Variants in FHAD1 observed in about 807,000 individuals in gnomAD.
FHAD1 encodes forkhead-associated domain-containing protein 1.
A neutral mutation model predicts 191.3 loss-of-function variants in FHAD1; 146 were observed. The ratio of observed to expected loss-of-function variants is 0.76; its 90% CI spans 0.67 to 0.88. The LOEUF is 0.88. FHAD1 is among the 40% of genes least tolerant of loss of function. The pLI is 0.00. For missense variants in FHAD1, 1,635 were observed against 1,785.8 expected, an observed-to-expected ratio of 0.92 and a Z score of 1.52; for synonymous variants, 616 against 672.3, an observed-to-expected ratio of 0.92 and a Z score of 1.29.
intron 28 of FHAD1, 44 bp downstream of exon 28, chr1:15,375,774 G>A (rs1377598298): frequency 1.3e-6 from 2 of 1,499,802 alleles, no homozygotes; most frequent in Non-Finnish European, 1.8e-6. Flanking sequence ...CATGTGGAGA[G>A]GAGGGGCCTG....
intron 6 of FHAD1, 138 bp from the exon 7 acceptor site, chr1:15,308,475 T>C: frequency 8.3e-7 from 1 of 1,208,978 alleles, no homozygotes; most frequent in South Asian, 1.6e-5. Context: ...CTTCCACTGG[T>C]TAAAACTAAA....
chr1:15,265,335 A>G (rs1315234769), intron 2 of FHAD1, among the ~76,000 whole-genome samples: 13 of 152,236 alleles, frequency 8.5e-5, no homozygotes, highest in Admixed American at 7.2e-4. Context: ...TTAGCTGATA[A>G]TAATAATAAA....
intron 4 of FHAD1, among the ~76,000 whole-genome samples, chr1:15,291,951 A>G (rs1221017579): frequency 6.6e-6 from 1 of 152,328 alleles, no homozygotes; most frequent in Non-Finnish European, 1.5e-5. Context: ...GAAAAGCAGC[A>G]GCCACATGTC....
At chr1:15,304,167 A>G (rs1034627982) in intron 6 of FHAD1, among the ~76,000 whole-genome samples, 4 of 152,248 alleles carry the variant, frequency 2.6e-5, no homozygotes, top group South Asian at 2.1e-4. Context: ...TCGATCTGAT[A>G]CAATACCCCA....
At position 15,375,628 on chromosome 1, in the gene FHAD1, A is replaced by G. The variant is rs1001421116; in HGVS notation, c.3603A>G (p.Ser1201=). 6.5e-7 allele frequency: 1 copy of G among 1,540,230 alleles called. No homozygotes were observed. Among genetic ancestry groups the G allele is most frequent in the Non-Finnish European group, 8.7e-7 (1 of 1,143,684 alleles). Reference sequence around the variant, plus strand: ...ATCATAAAGACCACCAGAATGAATCATTTCTAGATTTAAAGAACCTCAGAA... The same window carrying G: ...ATCATAAAGACCACCAGAATGAATCGTTTCTAGATTTAAAGAACCTCAGAA... ...SPDHKDHQNE[S]FLDLKNLRME... is the part of the protein sequence containing the mutation. Residue 1201 remains serine, a synonymous_variant, in exon 28 of 34, where the codon TCA becomes TCG. Transcript: ENST00000688493.
Position 15,397,296 on chromosome 1 carries a change from G to T in FHAD1, c.4324-1G>T. On this transcript the variant is annotated splice_acceptor_variant, in intron 33 of 33. Transcript: ENST00000688493. LOFTEE classifies it high-confidence loss of function. ...TGTGTTTTTTCTCTTGCTTGTTAAAGGTTGGAACCAGAAAAGCCTCCCTAA... is the reference window on the plus strand; with the variant it reads ...TGTGTTTTTTCTCTTGCTTGTTAAATGTTGGAACCAGAAAAGCCTCCCTAA... The T allele has an allele frequency of 6.7e-7, 1 of 1,486,096 alleles. No individual in the cohort carries two copies. 92.1% of individuals were successfully genotyped at this position (1,486,096 alleles called of 1,614,324 possible).
At position 15,380,731 on chromosome 1, in the gene FHAD1, G is replaced by A. The variant is rs974483148; in HGVS notation, c.3736G>A (p.Gly1246Ser). Residue 1246 changes from glycine to serine, a missense_variant, in exon 29 of 34, where the codon GGC becomes AGC. Physicochemically the swap from Gly to Ser is moderately conservative, Grantham distance 56. Transcript: ENST00000688493. ...PQNGLCNARF[G>S]SAMEKSGKMD... ...GAATGGCCTTTGCAACGCAAGGTTC[G>A]GCTCAGCCATGGAGAAGTCAGGGAA... is the stretch of plus-strand genomic sequence containing the variant. The A allele has an allele frequency of 3.7e-5, 58 of 1,551,494 alleles. No individual in the cohort carries two copies. The highest frequency in any genetic ancestry group is 6.8e-5 in the African/African-American group (5 of 73,008).
intron 24 of FHAD1, among the ~76,000 whole-genome samples, chr1:15,366,380 A>G (rs1696467409): frequency 1.3e-5 from 2 of 151,962 alleles, no homozygotes; most frequent in Non-Finnish European, 2.9e-5. Flanking sequence ...CAGGGTCAGC[A>G]AAAGCCGTAT....
At chr1:15,365,762 C>T in intron 23 of FHAD1, 65 bp from the exon 24 acceptor site, 1 of 1,038,462 alleles carries the variant, frequency 9.6e-7, no homozygotes, top group Non-Finnish European at 1.5e-6. Flanking sequence ...TTGGCCCCTC[C>T]TGACACTCAG....
rs1416442968 is a variant in FHAD1, at chr1:15,312,473, C to T, written c.1040-584C>T. On this transcript the variant is annotated intron_variant, in intron 7 of 33. Coordinates refer to ENST00000688493, the MANE Select transcript of FHAD1 (RefSeq NM_001391957.1). The surrounding 1 kb of genome is among the most constrained non-coding windows in gnomAD (Gnocchi z 4.7). ...CCTGGGAGTTTGAGACCCGCCTGGGCAACATGGGCAAAACTCCATGTCTAC... is the reference window on the plus strand; with the variant it reads ...CCTGGGAGTTTGAGACCCGCCTGGGTAACATGGGCAAAACTCCATGTCTAC... Among the ~76,000 whole-genome samples, 1 of 152,102 alleles carries T rather than the reference C, an allele frequency of 6.6e-6. No individual in the cohort carries two copies. Among genetic ancestry groups the T allele is most frequent in the Non-Finnish European group, 1.5e-5 (1 of 68,030 alleles).
At chr1:15,314,606 GGTATGTGGGTGTGGGT>G in intron 8 of FHAD1, 1 of 150,452 alleles carries the variant, frequency 6.6e-6, no homozygotes, top group Non-Finnish European at 1.5e-5. Context: ...CAGGTGTGTG[GGTATGTGGGTGTGGGT>G]GTGAGGATGT....
chr1:15,373,311 C>A (rs1056075112), intron 26 of FHAD1, among the ~76,000 whole-genome samples: 1 of 145,294 alleles, frequency 6.9e-6, no homozygotes, highest in Non-Finnish European at 1.5e-5. Context: ...GAGTTCGAGA[C>A]CAGCCTGGCC....
intron 16 of FHAD1, among the ~76,000 whole-genome samples, chr1:15,342,727 A>G (rs1687245826): frequency 6.6e-6 from 1 of 151,740 alleles, no homozygotes; most frequent in South Asian, 2.1e-4. Context: ...TAGTGTGACC[A>G]TAGCTCACCA....
intron 28 of FHAD1, among the ~76,000 whole-genome samples, chr1:15,376,736 A>G (rs1266708264): frequency 6.6e-6 from 1 of 152,244 alleles, no homozygotes; most frequent in African/African-American, 2.4e-5. Context: ...AGATGTTATT[A>G]TTAAAATTAT....
intron 20 of FHAD1, among the ~76,000 whole-genome samples, chr1:15,354,683 A>G (rs1376333273): frequency 6.6e-6 from 1 of 152,236 alleles, no homozygotes; most frequent in Non-Finnish European, 1.5e-5. Context: ...AATGAAAAAA[A>G]AAAGTATATC....
At chr1:15,352,596 A>C (rs1223308964) in intron 19 of FHAD1, among the ~76,000 whole-genome samples, 1 of 152,144 alleles carries the variant, frequency 6.6e-6, no homozygotes, top group African/African-American at 2.4e-5. Context: ...ACCAGGACCC[A>C]ACCATTCACC....
At chr1:15,265,970 CA>C (rs531702447) in intron 2 of FHAD1, among the ~76,000 whole-genome samples, 1,649 of 78,618 alleles carry the variant, frequency 0.021, 39 homozygotes, top group East Asian at 0.14. Context: ...GACTCCATCT[CA>C]AAAAAAAAAA....
In FHAD1 at chr1:15,294,057, C is replaced by T. The variant is rs1278687709; in HGVS notation, c.569-2627C>T. ...AAACTTCCACCGTGTTTCCCTGATG[C>T]GGAGAGGGGCTTCCATCTTCCTGTA... On this transcript the variant is annotated intron_variant, in intron 4 of 33. Coordinates refer to ENST00000688493, the MANE Select transcript of FHAD1 (RefSeq NM_001391957.1). 3.9e-5 allele frequency among the ~76,000 whole-genome samples: 6 copies of T among 152,248 alleles called. No individual in the cohort carries two copies. The East Asian group carries it at 5.8e-4, about 15-fold the overall frequency.
chr1:15,269,830 T>G (rs565102791), intron 2 of FHAD1, among the ~76,000 whole-genome samples: 7 of 152,212 alleles, frequency 4.6e-5, no homozygotes, highest in Non-Finnish European at 1.0e-4. Context: ...CTTGTGTATT[T>G]TGGCACTCTG....
Sources: gnomAD v4.1 joint callset for allele counts (sites outside exome capture counted in the v4.1 genomes callset) on GRCh38, gnomAD v4.1.1 for gene constraint, Gnocchi (gnomAD v3.1) non-coding constraint, MANE v1.5 for transcripts, NCBI Gene and HGNC (gene_info 2026-07-23, HGNC 2026-07-21) for gene names.